The following CNTNAP5 variants were observed in gnomAD, a reference collection of about 807,000 sequenced individuals.
CNTNAP5 encodes the protein contactin-associated protein-like 5.
A neutral mutation model predicts 150.2 loss-of-function variants in CNTNAP5; 72 were observed. The ratio of observed to expected loss-of-function variants is 0.48; its 90% CI spans 0.40 to 0.58. The LOEUF (loss-of-function observed/expected upper bound fraction) is 0.58, where lower values mean the gene tolerates loss of function less well. CNTNAP5 is among the 20% of genes least tolerant of loss of function. The pLI, the probability that CNTNAP5 is intolerant of heterozygous loss-of-function variation, is 0.00. For missense variants in CNTNAP5, 1,636 were observed against 1,626.2 expected, an observed-to-expected ratio of 1.01 and a Z score of -0.10; for synonymous variants, 672 against 619.8, an observed-to-expected ratio of 1.08 and a Z score of -1.25.
intron 3 of CNTNAP5, among the ~76,000 whole-genome samples, chr2:124,402,709 G>A (rs974585689): frequency 1.3e-5 from 2 of 152,130 alleles, no homozygotes; most frequent in Non-Finnish European, 2.9e-5. Context: ...TCAAATAACT[G>A]TCGCTATTAA....
chr2:124,886,648 T>A (rs980468349), intron 21 of CNTNAP5, among the ~76,000 whole-genome samples: 1 of 151,994 alleles, frequency 6.6e-6, no homozygotes, highest in South Asian at 2.1e-4. Flanking sequence ...TTTCAGTAGG[T>A]GATGAAAAAG....
chr2:124,057,055 G>T (rs1386416866), intron 1 of CNTNAP5, among the ~76,000 whole-genome samples: 1 of 151,926 alleles, frequency 6.6e-6, no homozygotes, highest in African/African-American at 2.4e-5. Context: ...TTACTCAATG[G>T]CCATGTCCAA....
intron 13 of CNTNAP5, among the ~76,000 whole-genome samples, chr2:124,705,819 A>T (rs1435720095): frequency 6.6e-6 from 1 of 152,154 alleles, no homozygotes; most frequent in African/African-American, 2.4e-5. Context: ...AAATACCTAG[A>T]CACTGAATGG....
At chr2:124,469,841 C>T (rs1693462535) in intron 6 of CNTNAP5, among the ~76,000 whole-genome samples, 2 of 152,214 alleles carry the variant, frequency 1.3e-5, no homozygotes, top group South Asian at 4.1e-4. Context: ...TTTTCTGTTC[C>T]TGCATTAGTT....
Position 124,469,747 on chromosome 2 carries a change from C to T in CNTNAP5, c.919-4992C>T, listed in dbSNP as rs575741307. 2.0e-5 allele frequency among the ~76,000 whole-genome samples: 3 copies of T among 152,164 alleles called. No homozygotes were observed. The South Asian group carries it at 6.2e-4, about 32-fold the overall frequency. On this transcript the variant is annotated intron_variant, in intron 6 of 23. Transcript: ENST00000682447. ...TCCCTCCTCCCAACCTTCCACAGGC[C>T]CCACTGTGAGTGGTTCACCTCCCTG...
intron 1 of CNTNAP5, among the ~76,000 whole-genome samples, chr2:124,126,306 A>G (rs1430629219): frequency 6.6e-6 from 1 of 152,230 alleles, no homozygotes; most frequent in Non-Finnish European, 1.5e-5. Context: ...TAGAAAATCT[A>G]GAAGAAATGG....
chr2:124,731,079 C>CCCATTAG (rs1174852195), intron 13 of CNTNAP5, among the ~76,000 whole-genome samples: 2 of 152,038 alleles, frequency 1.3e-5, no homozygotes, highest in African/African-American at 4.8e-5. Flanking sequence ...TGGGTGTGAT[C>CCCATTAG]GCTGGGCTCC....
At chr2:124,295,490 GA>G (rs34582794) in intron 3 of CNTNAP5, among the ~76,000 whole-genome samples, 53,814 of 151,928 alleles carry the variant, frequency 0.35, 9,725 homozygotes, top group South Asian at 0.51. Context: ...TGAGGACAGC[GA>G]AAATCACCTG....
intron 11 of CNTNAP5, among the ~76,000 whole-genome samples, chr2:124,569,214 C>A (rs1171169379): frequency 6.6e-6 from 1 of 152,132 alleles, no homozygotes; most frequent in East Asian, 1.9e-4. Flanking sequence ...ACGGTTTACA[C>A]TCTGATCACT....
At chr2:124,155,298 C>G (rs538803146) in intron 1 of CNTNAP5, among the ~76,000 whole-genome samples, 56 of 152,162 alleles carry the variant, frequency 3.7e-4, no homozygotes, top group African/African-American at 1.3e-3. Flanking sequence ...TAAACGTTTT[C>G]AGTTCCTTCA....
intron 6 of CNTNAP5, among the ~76,000 whole-genome samples, chr2:124,454,536 G>T (rs1693068410): frequency 6.6e-6 from 1 of 152,018 alleles, no homozygotes; most frequent in South Asian, 2.1e-4. Flanking sequence ...CTACACCCTG[G>T]AACAAATGAA....
intron 3 of CNTNAP5, among the ~76,000 whole-genome samples, chr2:124,332,023 AT>A (rs1388465087): frequency 1.3e-5 from 2 of 151,858 alleles, no homozygotes; most frequent in Non-Finnish European, 2.9e-5. Context: ...TACACATAAA[AT>A]TTTTATGATT....
chr2:124,772,838 G>A lies in CNTNAP5; in HGVS notation c.2573G>A (p.Gly858Asp), dbSNP rs936682678. Residue 858 changes from glycine (G) to aspartate (D), a missense_variant, in exon 17 of 24, where the codon GGT (glycine) becomes GAT (aspartate). Gly to Asp is a moderately conservative substitution (Grantham distance 94). Transcript: ENST00000682447. ...ACCTTTGCCATCGATGTTGGGAATG[G>A]TCCTGTGGAGCTTGTAGTCCAGTCT... ...EITFAIDVGN[G>D]PVELVVQSPS... is the part of the protein sequence containing the mutation. The A allele has an allele frequency of 6.2e-7, 1 of 1,613,698 alleles. No homozygotes were observed. The highest frequency in any genetic ancestry group is 8.5e-7 in the Non-Finnish European group (1 of 1,179,718).
chr2:124,553,474 A>T (rs1695678281), intron 10 of CNTNAP5, among the ~76,000 whole-genome samples: 1 of 148,304 alleles, frequency 6.7e-6, no homozygotes, highest in Non-Finnish European at 1.5e-5. Flanking sequence ...ACTGCACTCC[A>T]GCCTTGGTAG....
chr2:124,150,959 C>T (rs1385046641), intron 1 of CNTNAP5, among the ~76,000 whole-genome samples: 1 of 152,094 alleles, frequency 6.6e-6, no homozygotes, highest in African/African-American at 2.4e-5. Flanking sequence ...TTTTAAAATG[C>T]CTATTTAACA....
chr2:124,609,829 C>G lies in CNTNAP5; in HGVS notation c.1785C>G (p.Tyr595Ter), dbSNP rs1447659675. 6.2e-7 allele frequency: 1 copy of G among 1,613,836 alleles called. No homozygotes were observed. Among genetic ancestry groups the G allele is most frequent in the Non-Finnish European group, 8.5e-7 (1 of 1,179,882 alleles). Reference protein sequence around the residue: ...NSIYEQSCEVYRHQGNTAGFF... With the variant: ...NSIYEQSCEV Reference sequence around the variant, plus strand: ...TCTACGAGCAATCCTGCGAGGTGTACAGGCACCAGGGGAATACAGCCGGCT... The same window carrying G: ...TCTACGAGCAATCCTGCGAGGTGTAGAGGCACCAGGGGAATACAGCCGGCT... Residue 595 changes from tyrosine to a stop codon, truncating the protein, a stop_gained, in exon 12 of 24, where the codon TAC becomes TAG. Coordinates refer to ENST00000682447, the MANE Select transcript of CNTNAP5 (RefSeq NM_001367498.1). LOFTEE classifies it high-confidence loss of function.
At chr2:124,718,931 C>G (rs1244243654) in intron 13 of CNTNAP5, among the ~76,000 whole-genome samples, 1 of 146,286 alleles carries the variant, frequency 6.8e-6, no homozygotes, top group Non-Finnish European at 1.5e-5. Flanking sequence ...GGCAACAGAG[C>G]AAGACTCCAT....
chr2:124,552,254 C>G (rs1695644458), intron 10 of CNTNAP5, among the ~76,000 whole-genome samples: 1 of 152,170 alleles, frequency 6.6e-6, no homozygotes, highest in Non-Finnish European at 1.5e-5. Context: ...AATGTTCACT[C>G]TGCCCTCACT....
At chr2:124,874,250 A>C (rs2104730608) in intron 21 of CNTNAP5, among the ~76,000 whole-genome samples, 1 of 152,240 alleles carries the variant, frequency 6.6e-6, no homozygotes, top group East Asian at 1.9e-4. Context: ...CTATTGCATC[A>C]GTGAATTTAA....
Sources: gnomAD v4.1 joint callset for allele counts (sites outside exome capture counted in the v4.1 genomes callset) on GRCh38, gnomAD v4.1.1 for gene constraint, MANE v1.5 for transcripts, NCBI Gene and HGNC (gene_info 2026-07-23, HGNC 2026-07-21) for gene names.